CYP2S1: variants seen among roughly 807,000 people sequenced by gnomAD.
The protein encoded by CYP2S1 is cytochrome P450 family 2 subfamily S member 1, also known as cytochrome P450 2S1.
CYP2S1 carries 32 observed loss-of-function variants against 43.5 expected under a neutral mutation model. The ratio of observed to expected loss-of-function variants is 0.74; its 90% CI spans 0.56 to 0.99. CYP2S1 has a LOEUF of 0.99. Among genes scored for constraint, CYP2S1 ranks in the 50% least tolerant of loss-of-function variants. CYP2S1 has a pLI of 0.00. For missense variants in CYP2S1, 575 were observed against 673.9 expected (o/e 0.85, Z 1.62); for synonymous variants, 283 against 302.9 (o/e 0.93, Z 0.68).
rs983269768 is a variant in CYP2S1 at position 41,207,449 on chromosome 19, T to A, written c.*961T>A. The A allele has an allele frequency of 6.5e-6, 1 of 155,026 alleles. No individual in the cohort carries two copies. The highest frequency in any genetic ancestry group is 2.4e-5 in the African/African-American group (1 of 41,440). The allele number at this position is 155,026 out of a possible 1,614,324, so 9.6% of individuals were successfully genotyped here. On this transcript the variant is annotated 3_prime_UTR_variant, in exon 9 of 9. Transcript: ENST00000310054. ...GACCAAGTAGGGGCCAGTTTCCAAT[T>A]CACCCTGTCAGGGAGTGAGCCGGAT...
intron 6 of CYP2S1, among the ~76,000 whole-genome samples, chr19:41,201,709 A>G (rs1623906): frequency 0.37 from 56,033 of 151,410 alleles, 11,284 homozygotes; most frequent in African/African-American, 0.54. Flanking sequence ...GTTTCAAAAA[A>G]AAAAAAGTGA....
At chr19:41,205,340 T>TTTTTTC (rs2033550738) in intron 7 of CYP2S1, among the ~76,000 whole-genome samples, 2 of 81,316 alleles carry the variant, frequency 2.5e-5, no homozygotes, top group Admixed American at 1.0e-4. Flanking sequence ...CTTTCTTTCT[T>TTTTTTC]TTTTTCTTTC....
chr19:41,205,972 C>A lies in CYP2S1; in HGVS notation c.1179C>A (p.Phe393Leu). ...TTTCCCCTCAGGGCACGGAGGTCTT[C>A]CCCCTCCTTGGCTCCATCCTGCATG... ...GYTLPQGTEV[F>L]PLLGSILHDP... Residue 393 changes from phenylalanine (F) to leucine (L), a missense_variant, in exon 8 of 9, where the codon TTC (phenylalanine) becomes TTA (leucine). By Grantham distance (22) the Phe-to-Leu change is conservative. Around this residue, in one of 2 missense-constraint regions of CYP2S1, gnomAD observed 222 missense variants for 306.3 expected, o/e 0.72. Coordinates refer to ENST00000310054, the MANE Select transcript of CYP2S1 (RefSeq NM_030622.8). The A allele has an allele frequency of 1.2e-6, 2 of 1,613,870 alleles. No individual in the cohort carries two copies. The highest frequency in any genetic ancestry group is 2.7e-5 in the African/African-American group (2 of 74,986).
intron 8 of CYP2S1, 23 bp from the exon 9 acceptor site, chr19:41,206,257 C>G (rs756844570): frequency 2.4e-5 from 30 of 1,273,590 alleles, no homozygotes; most frequent in African/African-American, 6.9e-5. Context: ...ACTCAGCCCT[C>G]TCTCTCTCTC....
Position 41,198,634 on chromosome 19 carries a change from G to A in CYP2S1, c.654+12G>A. 1.2e-6 allele frequency: 2 copies of A among 1,613,872 alleles called. No homozygotes were observed. The highest frequency in any genetic ancestry group is 1.7e-6 in the Non-Finnish European group (2 of 1,179,918). ...CCCAGGGGGGTCAGGTGAGTGGGTG[G>A]GACCCCTCTCCAACTACCTTCCCTG... On this transcript the variant is annotated intron_variant, in intron 4 of 8. Transcript: ENST00000310054. The surrounding 1 kb of genome is among the most constrained non-coding windows in gnomAD (Gnocchi z 4.9).
At chr19:41,195,940 A>G (rs536445531) in intron 2 of CYP2S1, among the ~76,000 whole-genome samples, 1 of 152,208 alleles carries the variant, frequency 6.6e-6, no homozygotes, top group Admixed American at 6.5e-5. Context: ...TACCAGGTAC[A>G]TAGAAATGAC....
At position 41,206,040 on chromosome 19, in the gene CYP2S1, G is replaced by A. The variant is rs199771170; in HGVS notation, c.1247G>A (p.Arg416His). 193 of 1,614,060 alleles carry A rather than the reference G, an allele frequency of 1.2e-4. No homozygotes were observed. Among genetic ancestry groups the A allele is most frequent in the Non-Finnish European group, 1.5e-4 (178 of 1,180,020 alleles). Residue 416 changes from arginine (R) to histidine (H), a missense_variant, in exon 8 of 9, where the codon CGT (arginine) becomes CAT (histidine). Physicochemically the swap from Arg to His is conservative, Grantham distance 29. This residue lies in a region of CYP2S1 where 222 missense variants were observed against 306.3 expected (regional missense o/e 0.72). Transcript: ENST00000310054. ...CACCCAGAAGAGTTCAACCCAGACC[G>A]TTTCCTGGATGCAGATGGACGGTTC... is the stretch of plus-strand genomic sequence containing the variant. ...FKHPEEFNPD[R>H]FLDADGRFRK...
In CYP2S1 at chr19:41,206,856, C is replaced by G. The variant is rs1325442263; in HGVS notation, c.*368C>G. On this transcript the variant is annotated 3_prime_UTR_variant, in exon 9 of 9. Transcript: ENST00000310054. Reference sequence around the variant, plus strand: ...TTCACAAGCCACAGAAACGGCCACACATGTTCACAGCTCACACGCCCTCTC... The same window carrying G: ...TTCACAAGCCACAGAAACGGCCACAGATGTTCACAGCTCACACGCCCTCTC... 1 of 476,416 alleles carries G rather than the reference C, an allele frequency of 2.1e-6. No homozygotes were observed. Among genetic ancestry groups the G allele is most frequent in the Non-Finnish European group, 4.2e-6 (1 of 240,574 alleles). The allele number at this position is 476,416 out of a possible 1,614,324, so 29.5% of individuals were successfully genotyped here. A position where few individuals can be genotyped will look rare whatever the true frequency, so the allele number is the denominator to read the frequency against.
intron 7 of CYP2S1, among the ~76,000 whole-genome samples, chr19:41,205,342 T>TTTTCTCTTTCTTTC (rs2033551280): frequency 2.7e-5 from 3 of 111,656 alleles, no homozygotes; most frequent in Non-Finnish European, 5.2e-5. Context: ...TTCTTTCTTT[T>TTTTCTCTTTCTTTC]TTTCTTTCTT....
intron 2 of CYP2S1, 92 bp from the exon 3 acceptor site, chr19:41,197,687 G>A (rs1407653314): frequency 1.3e-5 from 20 of 1,555,620 alleles, no homozygotes; most frequent in African/African-American, 1.4e-5. Flanking sequence ...GCAACAGAGC[G>A]AGATTCCGTC....
In CYP2S1 at chr19:41,206,568, C is replaced by T. The variant is rs754949487; in HGVS notation, c.*80C>T. 2.0e-6 allele frequency: 3 copies of T among 1,538,020 alleles called. No individual in the cohort carries two copies. The Admixed American group carries it at 5.0e-5, about 26-fold the overall frequency. ...GTGGGCATGGACAGGGTTAATGTCT[C>T]CAGAGTGTACACTGCAGGCAGCCAC... On this transcript the variant is annotated 3_prime_UTR_variant, in exon 9 of 9. Transcript: ENST00000310054.
chr19:41,204,440 A>G (rs1284117072), intron 7 of CYP2S1, among the ~76,000 whole-genome samples: 2 of 152,012 alleles, frequency 1.3e-5, no homozygotes, highest in Non-Finnish European at 2.9e-5. Flanking sequence ...ACTGGAGAGC[A>G]GCTCCGATGC....
chr19:41,194,455 G>T, intron 1 of CYP2S1, 89 bp from the exon 2 acceptor site: 1 of 1,447,932 alleles, frequency 6.9e-7, no homozygotes, highest in Non-Finnish European at 9.1e-7. Context: ...GCTAGACCCG[G>T]TGGCTCCTCA....
chr19:41,196,533 C>A (rs1340904803), intron 2 of CYP2S1, among the ~76,000 whole-genome samples: 1 of 151,820 alleles, frequency 6.6e-6, no homozygotes, highest in African/African-American at 2.4e-5. Context: ...GGTGATGGAC[C>A]AGGGCTGGGG....
chr19:41,203,627 C>G lies in CYP2S1; in HGVS notation c.1154C>G (p.Thr385Ser). ...CGGACCACCCGCTTCCGAGGGTACACCCTGCCCCAGGTGGGTATGCGTATG... is the reference window on the plus strand; with the variant it reads ...CGGACCACCCGCTTCCGAGGGTACAGCCTGCCCCAGGTGGGTATGCGTATG... ...LMRTTRFRGY[T>S]LPQGTEVFPL... Residue 385 changes from threonine (T) to serine (S), a missense_variant, in exon 7 of 9, where the codon ACC (threonine) becomes AGC (serine). Thr to Ser is a moderately conservative substitution (Grantham distance 58). Coordinates refer to ENST00000310054, the MANE Select transcript of CYP2S1 (RefSeq NM_030622.8). 1 of 1,541,150 alleles carries G rather than the reference C, an allele frequency of 6.5e-7. No homozygotes were observed. Among genetic ancestry groups the G allele is most frequent in the Non-Finnish European group, 8.8e-7 (1 of 1,141,788 alleles).
Position 41,206,074 on chromosome 19 carries a change from T to A in CYP2S1, c.1281T>A (p.His427Gln). Reference protein sequence around the residue: ...FLDADGRFRKHEAFLPFSLGK... With the variant: ...FLDADGRFRKQEAFLPFSLGK... ...ATGCAGATGGACGGTTCAGGAAGCA[T>A]GAGGCGTTCCTGCCCTTCTCCTTAG... is the stretch of plus-strand genomic sequence containing the variant. Residue 427 changes from histidine to glutamine, a missense_variant, in exon 8 of 9, where the codon CAT (histidine) becomes CAA (glutamine). Physicochemically the swap from His to Gln is conservative, Grantham distance 24 (BLOSUM62 0). This residue lies in a region of CYP2S1 where 222 missense variants were observed against 306.3 expected (regional missense o/e 0.72). Transcript: ENST00000310054. The A allele has an allele frequency of 6.2e-7, 1 of 1,614,044 alleles. No individual in the cohort carries two copies. The highest frequency in any genetic ancestry group is 8.5e-7 in the Non-Finnish European group (1 of 1,180,006).
At chr19:41,196,018 G>A (rs1351265771) in intron 2 of CYP2S1, among the ~76,000 whole-genome samples, 1 of 152,016 alleles carries the variant, frequency 6.6e-6, no homozygotes, top group East Asian at 1.9e-4. Flanking sequence ...GACAATAGAG[G>A]GAGGGAATAT....
chr19:41,193,651 G>T, intron 1 of CYP2S1: 1 of 1,041,688 alleles, frequency 9.6e-7, no homozygotes, highest in Non-Finnish European at 1.2e-6. Context: ...AGAGGATCGT[G>T]GGGTGGGGGA....
At chr19:41,204,497 G>T (rs1007808490) in intron 7 of CYP2S1, among the ~76,000 whole-genome samples, 6 of 151,956 alleles carry the variant, frequency 3.9e-5, no homozygotes, top group Admixed American at 3.9e-4. Flanking sequence ...AGCAGTTTAT[G>T]CAAGCAGCTC....
Sources: allele counts gnomAD v4.1 joint callset (sites outside exome capture counted in the v4.1 genomes callset), GRCh38; gene constraint gnomAD v4.1.1; regional missense constraint gnomAD v4.1.1; non-coding constraint Gnocchi (gnomAD v3.1); transcripts MANE v1.5; gene names NCBI Gene and HGNC (gene_info 2026-07-23, HGNC 2026-07-21).